Variants in FALEC observed in about 807,000 individuals in gnomAD.
FALEC encodes the protein focally amplified lncRNA regulator of ECM1.
chr1:150,516,133 A>T (rs1214326700), intron 1 of FALEC: 1 of 151,916 alleles, frequency 6.6e-6, no homozygotes, highest in African/African-American at 2.4e-5. Flanking sequence ...GGGCGCCTAT[A>T]ATCCCAGCTA....
chr1:150,528,146 GA>G, the FALEC span, among the ~76,000 whole-genome samples: 4 of 152,236 alleles, frequency 2.6e-5, no homozygotes, highest in South Asian at 8.3e-4. Context: ...ACTTGTGGAT[GA>G]ATTTTTGTGC....
downstream of FALEC, among the ~76,000 whole-genome samples, chr1:150,518,386 CT>C (rs796565110): frequency 0.069 from 5,088 of 74,252 alleles, 285 homozygotes; most frequent in African/African-American, 0.14. Context: ...AAGTCTCTCT[CT>C]TTTTTTTTTT....
the FALEC span, among the ~76,000 whole-genome samples, chr1:150,535,123 C>T: frequency 1.3e-5 from 2 of 152,210 alleles, no homozygotes; most frequent in African/African-American, 4.8e-5. Context: ...TGCTTGAGAA[C>T]AATTGGGACT....
At chr1:150,526,367 A>C in the FALEC span, among the ~76,000 whole-genome samples, 1 of 151,278 alleles carries the variant, frequency 6.6e-6, no homozygotes, top group Non-Finnish European at 1.5e-5. Flanking sequence ...AAAAAAAAAA[A>C]AAGTTTTCTT....
chr1:150,524,213 G>A, the FALEC span, among the ~76,000 whole-genome samples: 5 of 151,994 alleles, frequency 3.3e-5, no homozygotes, highest in African/African-American at 4.8e-5. Flanking sequence ...GCAGTGGTGC[G>A]ATTAGAGCTC....
chr1:150,522,442 G>C (rs1670654807), downstream of FALEC, among the ~76,000 whole-genome samples: 1 of 151,880 alleles, frequency 6.6e-6, no homozygotes, highest in Non-Finnish European at 1.5e-5. Context: ...GGGCAACGTG[G>C]TGAAACCCTG....
chr1:150,515,966 G>C (rs587694900), exon 1 of FALEC: 1 of 152,402 alleles, frequency 6.6e-6, no homozygotes, highest in Non-Finnish European at 1.5e-5. Context: ...AGGGCTTTGG[G>C]CCGGGCGCGG....
chr1:150,516,889 G>A (rs1670576464), intron 1 of FALEC, among the ~76,000 whole-genome samples: 1 of 152,206 alleles, frequency 6.6e-6, no homozygotes. Flanking sequence ...TTTAGCGTCT[G>A]TGGAGACTTG....
the FALEC span, among the ~76,000 whole-genome samples, chr1:150,533,661 T>G: frequency 1.3e-5 from 2 of 152,070 alleles, no homozygotes; most frequent in African/African-American, 4.8e-5. Context: ...GGTCTCAAAC[T>G]CCTGACCTCA....
chr1:150,516,828 T>G (rs926036318), intron 1 of FALEC, among the ~76,000 whole-genome samples: 1 of 152,036 alleles, frequency 6.6e-6, no homozygotes, highest in East Asian at 1.9e-4. Context: ...TTAGGCAGAG[T>G]GCTAAAAGTA....
At chr1:150,526,588 C>A in the FALEC span, among the ~76,000 whole-genome samples, 339 of 151,140 alleles carry the variant, frequency 2.2e-3, 3 homozygotes, top group African/African-American at 7.6e-3. Flanking sequence ...CAGGCACATG[C>A]CACCATGCTC....
chr1:150,517,326 C>T (rs918571801), intron 1 of FALEC, among the ~76,000 whole-genome samples: 5 of 145,876 alleles, frequency 3.4e-5, no homozygotes, highest in African/African-American at 1.3e-4. Flanking sequence ...AGGTTGAGGG[C>T]ATGGTGAGGG....
exon 2 of FALEC, chr1:150,517,994 C>T (rs1187553354): frequency 6.6e-6 from 1 of 152,162 alleles, no homozygotes; most frequent in African/African-American, 2.4e-5. Flanking sequence ...TTTCTGCACT[C>T]TACACTAGCA....
the FALEC span, among the ~76,000 whole-genome samples, chr1:150,532,152 C>A: frequency 6.6e-6 from 1 of 152,216 alleles, no homozygotes; most frequent in Non-Finnish European, 1.5e-5. Flanking sequence ...CCTGATCCAC[C>A]TGCCTCGGCC....
chr1:150,515,819 A>C (rs587704473), exon 1 of FALEC: 1 of 152,584 alleles, frequency 6.6e-6, no homozygotes, highest in Non-Finnish European at 1.5e-5. Flanking sequence ...AGGCCGGCCC[A>C]GCAATTCCCC....
the FALEC span, among the ~76,000 whole-genome samples, chr1:150,531,132 C>A: frequency 6.6e-6 from 1 of 152,296 alleles, no homozygotes; most frequent in Non-Finnish European, 1.5e-5. Flanking sequence ...GAGAAAGAAT[C>A]CCCAAATGAC....
downstream of FALEC, among the ~76,000 whole-genome samples, chr1:150,522,979 ATATAT>A (rs1189501917): frequency 2.6e-4 from 6 of 22,890 alleles, no homozygotes; most frequent in African/African-American, 1.1e-3. Context: ...ATATATATAT[ATATAT>A]TTTTTTTTTT....
chr1:150,531,299 A>G, the FALEC span, among the ~76,000 whole-genome samples: 1 of 152,220 alleles, frequency 6.6e-6, no homozygotes, highest in African/African-American at 2.4e-5. Context: ...GTTAGAGACC[A>G]GCCTGACCAA....
the FALEC span, among the ~76,000 whole-genome samples, chr1:150,530,012 C>T: frequency 6.6e-6 from 1 of 152,106 alleles, no homozygotes; most frequent in African/African-American, 2.4e-5. Flanking sequence ...AGACAAGAGC[C>T]CCTAACTTGG....
Sources: allele counts gnomAD v4.1 joint callset (sites outside exome capture counted in the v4.1 genomes callset), GRCh38; gene constraint gnomAD v4.1.1; transcripts MANE v1.5; gene names NCBI Gene and HGNC (gene_info 2026-07-23, HGNC 2026-07-21).